The following SRSF11 variants were observed in gnomAD, a reference collection of about 807,000 sequenced individuals.
SRSF11 encodes the protein serine/arginine-rich splicing factor 11.
In SRSF11, 9 loss-of-function variants were observed where a neutral mutation model predicts 56.0. That is an observed-to-expected ratio of 0.16 (90% CI 0.10 to 0.28). SRSF11 has a LOEUF of 0.28. Among genes scored for constraint, SRSF11 ranks in the 10% least tolerant of loss-of-function variants. The pLI is 1.00. For missense variants in SRSF11, 421 were observed against 600.7 expected, an observed-to-expected ratio of 0.70 and a Z score of 3.13; for synonymous variants, 222 against 215.3, an observed-to-expected ratio of 1.03 and a Z score of -0.27.
intron 1 of SRSF11, among the ~76,000 whole-genome samples, chr1:70,226,143 A>T (rs566664495): frequency 6.6e-6 from 1 of 152,048 alleles, no homozygotes; most frequent in Non-Finnish European, 1.5e-5. Flanking sequence ...GTGAGCCGAG[A>T]TCGTGCCATT....
chr1:70,245,846 A>G (rs925594894), intron 8 of SRSF11, among the ~76,000 whole-genome samples: 1 of 152,214 alleles, frequency 6.6e-6, no homozygotes, highest in African/African-American at 2.4e-5. Context: ...AATGGTGAAC[A>G]GGGAATTAAT....
At chr1:70,234,893 T>A in intron 4 of SRSF11, 105 bp downstream of exon 4, 1 of 905,212 alleles carries the variant, frequency 1.1e-6, no homozygotes, top group Non-Finnish European at 1.7e-6. Context: ...TATGTTGTAG[T>A]AATTTTTTTT....
At chr1:70,220,004 G>A (rs1670372557), upstream of SRSF11, among the ~76,000 whole-genome samples, 1 of 152,206 alleles carries the variant, frequency 6.6e-6, no homozygotes, top group South Asian at 2.1e-4. Context: ...TCAAGGTCAA[G>A]TGAATTATTT....
chr1:70,236,577 G>A (rs531541029), intron 5 of SRSF11, among the ~76,000 whole-genome samples: 7 of 151,344 alleles, frequency 4.6e-5, no homozygotes, highest in Admixed American at 6.6e-5. Context: ...TGATCCACCC[G>A]CCAAGGCTTC....
upstream of SRSF11, among the ~76,000 whole-genome samples, chr1:70,218,157 A>G (rs2100552755): frequency 6.6e-6 from 1 of 152,062 alleles, no homozygotes; most frequent in East Asian, 1.9e-4. Flanking sequence ...TTCAGTAGAG[A>G]TGGGGTTTCA....
chr1:70,221,816 C>A lies in SRSF11; in HGVS notation c.180C>A (p.Asp60Glu). ...RTLFGFLGKI[D>E]ELRLFPPDDS... ...TCTTCGGTTTCCTAGGCAAGATCGA[C>A]GAACTGCGCCTCTTCCCGCCGGAGT... The change falls in exon 1 of 12, where the codon GAC (aspartate) becomes GAA (glutamate). Residue 60 changes from aspartate to glutamate, a missense_variant. Around this residue, in one of 2 missense-constraint regions of SRSF11, gnomAD observed 168 missense variants for 294.9 expected, o/e 0.57. Transcript: ENST00000370949. The A allele has an allele frequency of 6.2e-7, 1 of 1,613,974 alleles. No individual in the cohort carries two copies. Among genetic ancestry groups the A allele is most frequent in the Non-Finnish European group, 8.5e-7 (1 of 1,179,994 alleles).
intron 2 of SRSF11, chr1:70,230,304 G>A (rs912024212): frequency 1.9e-6 from 2 of 1,034,442 alleles, no homozygotes; most frequent in Non-Finnish European, 2.3e-6. Context: ...ATGATATGCT[G>A]TATTAATGTT....
chr1:70,247,207 A>G (rs1676952677), intron 9 of SRSF11: 2 of 661,208 alleles, frequency 3.0e-6, no homozygotes, highest in South Asian at 6.8e-5. Context: ...GAATTGTTCC[A>G]TTAAGTAAGC....
In SRSF11 at chr1:70,221,421, C is replaced by A; in HGVS notation, c.-216C>A. On this transcript the variant is annotated 5_prime_UTR_variant, in exon 1 of 12. Transcript: ENST00000370949. The stretch of plus-strand genomic sequence containing the variant: ...GCGAGGTGGGGCGGCCGTTTGTTTT[C>A]TCGTGGTCTCGAGCTCGCGCGCTCT... The A allele has an allele frequency of 1.6e-3, 753 of 457,294 alleles. No homozygotes were observed. The highest frequency in any genetic ancestry group is 1.7e-3 in the East Asian group (40 of 23,200). The allele number at this position is 457,294 out of a possible 1,614,324, so 28.3% of individuals were successfully genotyped here.
chr1:70,250,082 A>G, intron 10 of SRSF11, 35 bp downstream of exon 10: 1 of 1,564,346 alleles, frequency 6.4e-7, no homozygotes, highest in Non-Finnish European at 8.7e-7. Flanking sequence ...TATTTTTTAT[A>G]TTTTTCAGAG....
chr1:70,249,311 T>C (rs1677458795), intron 9 of SRSF11: 1 of 152,292 alleles, frequency 6.6e-6, no homozygotes, highest in African/African-American at 2.4e-5. Context: ...CTCTGAACAC[T>C]GAATGTTTGA....
chr1:70,243,135 C>T (rs530778437), intron 7 of SRSF11, among the ~76,000 whole-genome samples: 89 of 151,870 alleles, frequency 5.9e-4, no homozygotes, highest in African/African-American at 2.1e-3. Context: ...TATATTAGTA[C>T]ATCAGTAAGA....
chr1:70,227,256 G>A (rs1671986563), intron 1 of SRSF11, among the ~76,000 whole-genome samples: 1 of 152,098 alleles, frequency 6.6e-6, no homozygotes, highest in Non-Finnish European at 1.5e-5. Context: ...GTACACATTG[G>A]TGTGTTTCAT....
chr1:70,229,849 A>G lies in SRSF11; in HGVS notation c.337+1294A>G, dbSNP rs542219023. On this transcript the variant is annotated intron_variant, in intron 2 of 11. Coordinates refer to ENST00000370949, the MANE Select transcript of SRSF11 (RefSeq NM_001350605.2). The stretch of plus-strand genomic sequence containing the variant: ...GTTATGTAATAGTACCTCTGTCTCC[A>G]TGATATTAAAGTGTATGAGCCCAGT... 57 of 983,910 alleles carry G rather than the reference A, an allele frequency of 5.8e-5. No individual in the cohort carries two copies. In the African/African-American group the frequency reaches 9.2e-4, roughly 16 times the overall value. 60.9% of individuals were successfully genotyped at this position (983,910 alleles called of 1,614,324 possible). A position where few individuals can be genotyped will look rare whatever the true frequency, so the allele number is the denominator to read the frequency against.
chr1:70,213,053 A>C (rs1669707484), intron 1 of SRSF11, among the ~76,000 whole-genome samples: 1 of 151,732 alleles, frequency 6.6e-6, no homozygotes, highest in African/African-American at 2.4e-5. Context: ...ACCCTGCCTC[A>C]AAAAAAAATT....
intron 1 of SRSF11, among the ~76,000 whole-genome samples, chr1:70,213,724 T>A (rs944167820): frequency 3.3e-5 from 5 of 152,224 alleles, no homozygotes; most frequent in African/African-American, 1.2e-4. Flanking sequence ...TATTCTCACG[T>A]ATTATCCTCA....
intron 8 of SRSF11, among the ~76,000 whole-genome samples, chr1:70,246,043 A>G (rs1323797529): frequency 1.3e-5 from 2 of 152,150 alleles, no homozygotes; most frequent in African/African-American, 4.8e-5. Flanking sequence ...AGAAGGGAAA[A>G]AAATGAAATT....
chr1:70,226,213 G>GA (rs1671751817), intron 1 of SRSF11, among the ~76,000 whole-genome samples: 1 of 151,630 alleles, frequency 6.6e-6, no homozygotes, highest in Admixed American at 6.6e-5. Context: ...AATTTTAATC[G>GA]AAAAAATGTT....
chr1:70,239,906 G>T (rs905003090), intron 7 of SRSF11, among the ~76,000 whole-genome samples: 2 of 152,126 alleles, frequency 1.3e-5, no homozygotes, highest in Non-Finnish European at 2.9e-5. Flanking sequence ...AATCTGGCAT[G>T]CTCACAACAA....
Sources: gnomAD v4.1 joint callset for allele counts (sites outside exome capture counted in the v4.1 genomes callset) on GRCh38, gnomAD v4.1.1 for gene constraint, gnomAD v4.1.1 regional missense constraint, MANE v1.5 for transcripts, NCBI Gene and HGNC (gene_info 2026-07-23, HGNC 2026-07-21) for gene names.